PRDM1: variants seen among roughly 807,000 people sequenced by gnomAD.
PRDM1 encodes PR domain zinc finger protein 1.
A neutral mutation model predicts 62.8 loss-of-function variants in PRDM1; 13 were observed. The ratio of observed to expected loss-of-function variants is 0.21; its 90% confidence interval spans 0.13 to 0.33. PRDM1 has a LOEUF of 0.33. Among genes scored for constraint, PRDM1 ranks in the 10% least tolerant of loss-of-function variants. The pLI, the probability that PRDM1 is intolerant of heterozygous loss-of-function variation, is 1.00. For missense variants in PRDM1, 895 were observed against 1,058.8 expected (o/e 0.85, Z 2.15); for synonymous variants, 396 against 417.6 (o/e 0.95, Z 0.63).
intron 1 of PRDM1, among the ~76,000 whole-genome samples, chr6:106,052,073 A>T (rs7454374): frequency 0.24 from 36,311 of 152,000 alleles, 4,996 homozygotes; most frequent in Non-Finnish European, 0.32. Flanking sequence ...TTTGGGGAGG[A>T]TGAAAGTTCT....
intron 1 of PRDM1, among the ~76,000 whole-genome samples, chr6:106,007,879 G>A (rs1437008011): frequency 1.3e-5 from 2 of 152,160 alleles, no homozygotes; most frequent in Non-Finnish European, 2.9e-5. Flanking sequence ...ACCAGTAGTT[G>A]GTACGCCCTA....
intron 1 of PRDM1, among the ~76,000 whole-genome samples, chr6:106,077,923 AAC>A (rs1209763504): frequency 6.6e-6 from 1 of 152,216 alleles, no homozygotes; most frequent in Non-Finnish European, 1.5e-5. Context: ...GCTTTGGGAG[AAC>A]ATTGAGTTAA....
chr6:106,086,630 A>T, intron 1 of PRDM1, 35 bp downstream of exon 1: 1 of 1,513,812 alleles, frequency 6.6e-7, no homozygotes, highest in Non-Finnish European at 9.0e-7. Flanking sequence ...TTAATTCTGA[A>T]ATTGATCTGA....
At chr6:106,042,741 T>A (rs762916305) in intron 1 of PRDM1, among the ~76,000 whole-genome samples, 19 of 152,172 alleles carry the variant, frequency 1.2e-4, no homozygotes, top group Non-Finnish European at 2.4e-4. Flanking sequence ...TATGTCCCTG[T>A]AGATCCTAGA....
At chr6:106,067,559 G>C (rs1773452647) in intron 1 of PRDM1, among the ~76,000 whole-genome samples, 1 of 152,168 alleles carries the variant, frequency 6.6e-6, no homozygotes, top group African/African-American at 2.4e-5. Flanking sequence ...CTGAAGTGCT[G>C]ATATATGCTA....
At chr6:106,009,883 AGTTTTTGT>A (rs1772525529) in intron 1 of PRDM1, among the ~76,000 whole-genome samples, 2 of 152,030 alleles carry the variant, frequency 1.3e-5, no homozygotes, top group African/African-American at 4.8e-5. Context: ...ACGCCCGGCT[AGTTTTTGT>A]GTTTTTAGTA....
intron 1 of PRDM1, among the ~76,000 whole-genome samples, chr6:106,041,532 TA>T (rs1199107494): frequency 6.6e-6 from 1 of 152,172 alleles, no homozygotes; most frequent in Non-Finnish European, 1.5e-5. Flanking sequence ...CAGAAAAGGC[TA>T]AAAATTAAAT....
intron 2 of PRDM1, among the ~76,000 whole-genome samples, chr6:106,094,654 G>T (rs1011492832): frequency 5.1e-4 from 78 of 152,140 alleles, no homozygotes; most frequent in African/African-American, 1.9e-3. Flanking sequence ...TGTAATCTCA[G>T]CACTTTGGGA....
At chr6:106,020,192 A>AC (rs1191361474) in intron 1 of PRDM1, among the ~76,000 whole-genome samples, 12 of 151,528 alleles carry the variant, frequency 7.9e-5, no homozygotes, top group African/African-American at 2.9e-4. Flanking sequence ...CAAAAAAAAA[A>AC]AAAAACCCAC....
upstream of PRDM1, among the ~76,000 whole-genome samples, chr6:106,084,741 A>C (rs1238429174): frequency 2.0e-5 from 3 of 152,110 alleles, no homozygotes; most frequent in East Asian, 1.9e-4. Flanking sequence ...ATCAGCTTGG[A>C]GCTTTCTGAG....
intron 1 of PRDM1, among the ~76,000 whole-genome samples, chr6:106,040,234 G>C (rs1772975101): frequency 6.6e-6 from 1 of 152,192 alleles, no homozygotes; most frequent in African/African-American, 2.4e-5. Flanking sequence ...GAAGAAATCA[G>C]AGCATGCAGC....
intron 1 of PRDM1, among the ~76,000 whole-genome samples, chr6:106,011,555 C>T (rs1772548973): frequency 6.6e-6 from 1 of 152,076 alleles, no homozygotes; most frequent in Non-Finnish European, 1.5e-5. Context: ...ACACTATACC[C>T]TCCTCCCTGA....
chr6:106,052,208 A>ATCAGTTATTATAATATTG (rs6149739), intron 1 of PRDM1, among the ~76,000 whole-genome samples: 135,946 of 152,168 alleles, frequency 0.89, 60,795 homozygotes, highest in South Asian at 0.94. Flanking sequence ...ATAAAGAAAT[A>ATCAGTTATTATAATATTG]TTCAAAGACA....
chr6:106,040,934 A>C (rs967472825), intron 1 of PRDM1, among the ~76,000 whole-genome samples: 1 of 152,186 alleles, frequency 6.6e-6, no homozygotes, highest in Non-Finnish European at 1.5e-5. Context: ...CTGGCATTCA[A>C]TGCTATGTTT....
In PRDM1 at chr6:106,086,505, G is replaced by C. The variant is rs1773809804; in HGVS notation, c.-49G>C. On this transcript the variant is annotated 5_prime_UTR_variant, in exon 1 of 7. Coordinates refer to ENST00000369096, the MANE Select transcript of PRDM1 (RefSeq NM_001198.4). ...GTCTGTGCGGCTCAGCCTGGCGGGG[G>C]ACGCGGGGAGAATGTGGACTGGGTA... is the stretch of plus-strand genomic sequence containing the variant. 2 of 1,531,062 alleles carry C rather than the reference G, an allele frequency of 1.3e-6. No individual in the cohort carries two copies. The highest frequency in any genetic ancestry group is 1.4e-5 in the African/African-American group (1 of 72,438). The allele number at this position is 1,531,062 out of a possible 1,614,324, so 94.8% of individuals were successfully genotyped here. A position where few individuals can be genotyped will look rare whatever the true frequency, so the allele number is the denominator to read the frequency against.
At chr6:105,997,455 T>G (rs1196605974) in intron 1 of PRDM1, among the ~76,000 whole-genome samples, 1 of 152,242 alleles carries the variant, frequency 6.6e-6, no homozygotes, top group African/African-American at 2.4e-5. Context: ...ATAGTAGAAT[T>G]TTAGTCCTTT....
rs564979671 is a variant in PRDM1 at position 105,999,870 on chromosome 6, T to C, written c.-67+6231T>C. Among the ~76,000 whole-genome samples, 6 of 152,360 alleles carry C rather than the reference T, an allele frequency of 3.9e-5. No homozygotes were observed. The South Asian group carries it at 6.2e-4, about 16-fold the overall frequency. The stretch of plus-strand genomic sequence containing the variant: ...CCTTTATCTATGTGTTTCTTTTTTT[T>C]TGAGACGGAGTCTTGCTCTGTCGCC... On this transcript the variant is annotated intron_variant, in intron 1 of 6. Coordinates refer to the PRDM1 transcript ENST00000652320.
chr6:106,088,574 G>A, intron 2 of PRDM1, 125 bp downstream of exon 2: 1 of 1,048,952 alleles, frequency 9.5e-7, no homozygotes, highest in Non-Finnish European at 1.4e-6. Flanking sequence ...ATAATTGATT[G>A]CTCTATTCAA....
intron 1 of PRDM1, among the ~76,000 whole-genome samples, chr6:106,023,520 C>A (rs1037896838): frequency 1.3e-5 from 2 of 152,138 alleles, no homozygotes; most frequent in East Asian, 1.9e-4. Flanking sequence ...TTCTGACCAG[C>A]CCTCCCCTCC....
Sources: allele counts gnomAD v4.1 joint callset (sites outside exome capture counted in the v4.1 genomes callset), GRCh38; gene constraint gnomAD v4.1.1; transcripts MANE v1.5; gene names NCBI Gene and HGNC (gene_info 2026-07-23, HGNC 2026-07-21).